The following ACSS2 variants were observed in gnomAD, a reference collection of about 807,000 sequenced individuals.
The protein encoded by ACSS2 is acyl-CoA synthetase short chain family member 2.
ACSS2 carries 58 observed loss-of-function variants against 90.6 expected under a neutral mutation model. The observed-to-expected ratio is 0.64, with a 90% confidence interval of 0.52 to 0.80. The LOEUF (loss-of-function observed/expected upper bound fraction) is 0.80, where lower values mean the gene tolerates loss of function less well. ACSS2 is among the 30% of genes least tolerant of loss of function. ACSS2 has a pLI of 0.00. For synonymous variants in ACSS2, 300 were observed against 330.9 expected, an observed-to-expected ratio of 0.91 and a Z score of 1.01; for missense variants, 759 against 912.0, an observed-to-expected ratio of 0.83 and a Z score of 2.16.
chr20:34,913,968 C>G (rs2081022075), intron 5 of ACSS2, 128 bp from the exon 6 acceptor site: 1 of 1,353,432 alleles, frequency 7.4e-7, no homozygotes, highest in East Asian at 2.3e-5. Flanking sequence ...TCAGCTGACC[C>G]TCTGTCAGCT....
intron 2 of ACSS2, among the ~76,000 whole-genome samples, chr20:34,885,368 G>C (rs2080166661): frequency 1.3e-5 from 2 of 152,164 alleles, no homozygotes; most frequent in South Asian, 4.1e-4. Context: ...GAGTTTTCCA[G>C]AATCCTGAGG....
intron 8 of ACSS2, among the ~76,000 whole-genome samples, chr20:34,920,308 G>T (rs1396106787): frequency 1.3e-5 from 2 of 152,170 alleles, no homozygotes; most frequent in Non-Finnish European, 2.9e-5. Flanking sequence ...CCATCTGAGG[G>T]TGCTGGTATG....
chr20:34,888,619 G>T (rs2080255865), intron 2 of ACSS2, among the ~76,000 whole-genome samples: 6 of 152,192 alleles, frequency 3.9e-5, no homozygotes, highest in Admixed American at 3.9e-4. Flanking sequence ...ATAGAAACCA[G>T]TAAGTATATG....
chr20:34,887,193 G>T lies in ACSS2; in HGVS notation c.374+4204G>T, dbSNP rs538204887. Among the ~76,000 whole-genome samples, 5 of 152,254 alleles carry T rather than the reference G, an allele frequency of 3.3e-5. No homozygotes were observed. In the East Asian group the frequency reaches 9.6e-4, roughly 29 times the overall value. ...AAGAAGCTAAGTGATTTGCCTAAGG[G>T]TCATACACCTGTTTGAAGACAGAAC... On this transcript the variant is annotated intron_variant, in intron 2 of 17. Transcript: ENST00000360596.
At chr20:34,905,546 C>T (rs1406054543) in intron 2 of ACSS2, among the ~76,000 whole-genome samples, 1 of 152,194 alleles carries the variant, frequency 6.6e-6, no homozygotes, top group Non-Finnish European at 1.5e-5. Flanking sequence ...AGGCGTGAGC[C>T]ACCGTGCCTG....
At chr20:34,894,407 T>A (rs777470676) in intron 2 of ACSS2, among the ~76,000 whole-genome samples, 5 of 152,092 alleles carry the variant, frequency 3.3e-5, no homozygotes, top group Non-Finnish European at 5.9e-5. Flanking sequence ...GGAAAATCGA[T>A]TGAACCTGGG....
intron 2 of ACSS2, among the ~76,000 whole-genome samples, chr20:34,886,611 A>C (rs533570119): frequency 1.3e-5 from 2 of 152,276 alleles, no homozygotes; most frequent in East Asian, 3.9e-4. Context: ...GTGACAGAGC[A>C]AGACTCTGTC....
chr20:34,878,005 C>T (rs1429711959), intron 1 of ACSS2, among the ~76,000 whole-genome samples: 1 of 152,088 alleles, frequency 6.6e-6, no homozygotes, highest in East Asian at 1.9e-4. Context: ...CCGTTCTAGG[C>T]TCACTATAGC....
rs190811096 is a variant in ACSS2 at position 34,882,483 on chromosome 20, G to A, written c.179-311G>A. ...CTAAAAATACAAAAATTAGCCAGGC[G>A]TGGTGGCACGCGCCTGTAGTCCCAG... On this transcript the variant is annotated intron_variant, in intron 1 of 17. Coordinates refer to ENST00000360596, the MANE Select transcript of ACSS2 (RefSeq NM_018677.4). Among the ~76,000 whole-genome samples, 511 of 151,906 alleles carry A rather than the reference G, an allele frequency of 3.4e-3. 4 individuals are homozygous for A. The highest frequency in any genetic ancestry group is 0.011 in the South Asian group (51 of 4,812).
At chr20:34,913,271 A>T in intron 3 of ACSS2, 84 bp downstream of exon 3, 1 of 1,559,798 alleles carries the variant, frequency 6.4e-7, no homozygotes, top group South Asian at 1.1e-5. Context: ...AGGGCAAGGG[A>T]TGGAAAGAAT....
chr20:34,902,891 A>ATTTTTTTT, intron 2 of ACSS2, among the ~76,000 whole-genome samples: 1 of 115,310 alleles, frequency 8.7e-6, no homozygotes, highest in Non-Finnish European at 1.8e-5. Flanking sequence ...ACACCTGGCT[A>ATTTTTTTT]TTTTTTTTTT....
intron 2 of ACSS2, among the ~76,000 whole-genome samples, chr20:34,883,359 T>C (rs139937057): frequency 1.3e-5 from 2 of 152,338 alleles, no homozygotes; most frequent in East Asian, 3.9e-4. Flanking sequence ...TACAGAGCTG[T>C]GTGCCAGAAA....
chr20:34,887,237 A>G (rs774968501), intron 2 of ACSS2, among the ~76,000 whole-genome samples: 1 of 152,174 alleles, frequency 6.6e-6, no homozygotes, highest in Non-Finnish European at 1.5e-5. Flanking sequence ...ATCTCCAGAT[A>G]CTCTCACTCC....
intron 2 of ACSS2, among the ~76,000 whole-genome samples, chr20:34,899,317 G>T (rs901668145): frequency 1.3e-5 from 2 of 152,240 alleles, no homozygotes; most frequent in Non-Finnish European, 2.9e-5. Context: ...CAGAGGAGGC[G>T]CCGAGAGCGA....
intron 2 of ACSS2, among the ~76,000 whole-genome samples, chr20:34,885,873 A>G (rs1012740756): frequency 2.0e-5 from 3 of 152,136 alleles, no homozygotes; most frequent in African/African-American, 7.2e-5. Flanking sequence ...CACTCCCTCA[A>G]CAAGAATTGT....
At chr20:34,911,830 T>G (rs965378873) in intron 2 of ACSS2, among the ~76,000 whole-genome samples, 1 of 152,056 alleles carries the variant, frequency 6.6e-6, no homozygotes, top group African/African-American at 2.4e-5. Flanking sequence ...TTCTTTTTTT[T>G]GTTTGTTTGA....
intron 2 of ACSS2, 126 bp from the exon 3 acceptor site, chr20:34,912,970 G>A (rs769680479): frequency 1.4e-4 from 105 of 768,386 alleles, no homozygotes; most frequent in Non-Finnish European, 2.2e-4. Context: ...ATGGTGGGCA[G>A]ATAGCTCATC....
At chr20:34,886,794 A>T (rs181635771) in intron 2 of ACSS2, among the ~76,000 whole-genome samples, 2 of 152,266 alleles carry the variant, frequency 1.3e-5, no homozygotes, top group East Asian at 3.9e-4. Flanking sequence ...ATTCTTACTA[A>T]TGCTTTTAAA....
At chr20:34,924,499 G>A (rs972603859) in intron 14 of ACSS2, among the ~76,000 whole-genome samples, 5 of 152,162 alleles carry the variant, frequency 3.3e-5, no homozygotes, top group Non-Finnish European at 4.4e-5. Context: ...GAGTAAGAGT[G>A]TTTTGTGCAG....
Sources: gnomAD v4.1 joint callset for allele counts (sites outside exome capture counted in the v4.1 genomes callset) on GRCh38, gnomAD v4.1.1 for gene constraint, MANE v1.5 for transcripts, NCBI Gene and HGNC (gene_info 2026-07-23, HGNC 2026-07-21) for gene names.